CCDC144A: variants seen among roughly 807,000 people sequenced by gnomAD.
CCDC144A encodes coiled-coil domain-containing protein 144A.
In CCDC144A, 41 loss-of-function variants were observed where a neutral mutation model predicts 143.8. The ratio of observed to expected loss-of-function variants is 0.29; its 90% CI spans 0.22 to 0.37. The LOEUF (loss-of-function observed/expected upper bound fraction) is 0.37, where lower values mean the gene tolerates loss of function less well. Ranked by LOEUF, CCDC144A falls within the 10% of genes least tolerant of loss-of-function variation. CCDC144A has a pLI of 1.00. For missense variants in CCDC144A, 637 were observed against 1,488.8 expected, an observed-to-expected ratio of 0.43 and a Z score of 9.41; for synonymous variants, 242 against 517.9, an observed-to-expected ratio of 0.47 and a Z score of 7.23.
intron 12 of CCDC144A, among the ~76,000 whole-genome samples, chr17:16,753,309 G>A (rs1230983753): frequency 5.9e-5 from 9 of 151,476 alleles, no homozygotes; most frequent in Admixed American, 1.3e-4. Context: ...TAGAGCTTGC[G>A]TTCAGTCTGT....
intron 6 of CCDC144A, among the ~76,000 whole-genome samples, chr17:16,714,319 G>A (rs1912616882): frequency 6.6e-6 from 1 of 152,152 alleles, no homozygotes; most frequent in Non-Finnish European, 1.5e-5. Context: ...ACACCAACCT[G>A]CCTACTTGAC....
chr17:16,758,972 C>T lies in CCDC144A; in HGVS notation c.3373-2453C>T, dbSNP rs1294883433. 2.6e-5 allele frequency among the ~76,000 whole-genome samples: 4 copies of T among 152,210 alleles called. No homozygotes were observed. In the East Asian group the frequency reaches 7.7e-4, roughly 29 times the overall value. On this transcript the variant is annotated intron_variant, in intron 12 of 16. Transcript: ENST00000399273. ...ACTGTTCTGTGTAGTACGACAGTGCCTTAAGATGCGTATACCCTTAAGATC... is the reference window on the plus strand; with the variant it reads ...ACTGTTCTGTGTAGTACGACAGTGCTTTAAGATGCGTATACCCTTAAGATC...
intron 12 of CCDC144A, among the ~76,000 whole-genome samples, chr17:16,741,718 G>A (rs957976027): frequency 3.3e-5 from 5 of 152,082 alleles, no homozygotes; most frequent in Admixed American, 6.5e-5. Context: ...AAGTAGCTGA[G>A]ACCACAGGAA....
At chr17:16,680,774 C>A in the CCDC144A span, among the ~76,000 whole-genome samples, 1 of 151,640 alleles carries the variant, frequency 6.6e-6, no homozygotes, top group Non-Finnish European at 1.5e-5. Context: ...AACAACAGAA[C>A]CAAAACAAAA....
intron 8 of CCDC144A, among the ~76,000 whole-genome samples, chr17:16,725,662 G>A (rs1913376337): frequency 6.6e-6 from 1 of 150,698 alleles, no homozygotes; most frequent in South Asian, 2.1e-4. Context: ...AAAAGACTAC[G>A]GATTGGATCC....
At chr17:16,752,170 TCTTGTC>T (rs1389006081) in intron 12 of CCDC144A, among the ~76,000 whole-genome samples, 21 of 152,294 alleles carry the variant, frequency 1.4e-4, no homozygotes, top group Admixed American at 1.4e-3. Flanking sequence ...GAGCTTCGCC[TCTTGTC>T]ACATCAGTAG....
rs562580522 is a variant in CCDC144A, at chr17:16,706,858, G to A, written c.665-611G>A. ...CAGTAGAAAAATCAGTTCTAGGGCA[G>A]CCCTAAGGAAGGAGATACCTAGATA... On this transcript the variant is annotated intron_variant, in intron 3 of 16. Transcript: ENST00000399273. 11 of 152,292 alleles carry A rather than the reference G, an allele frequency of 7.2e-5. No homozygotes were observed. In the South Asian group the frequency reaches 2.3e-3, roughly 32 times the overall value. 9.4% of individuals were successfully genotyped at this position (152,292 alleles called of 1,614,324 possible).
In CCDC144A at chr17:16,690,763, A is replaced by C; in HGVS notation, c.344+19A>C. 6.3e-7 allele frequency: 1 copy of C among 1,583,386 alleles called. No homozygotes were observed. Among genetic ancestry groups the C allele is most frequent in the Non-Finnish European group, 8.6e-7 (1 of 1,160,736 alleles). On this transcript the variant is annotated intron_variant, in intron 1 of 16. Transcript: ENST00000399273. The stretch of plus-strand genomic sequence containing the variant: ...AGAAGAGGTAATGGCCAGGCGAAGG[A>C]TGCGCCGTCCTGTCGGGGACACTGG...
the CCDC144A span, among the ~76,000 whole-genome samples, chr17:16,671,971 A>T: frequency 7.1e-4 from 108 of 152,250 alleles, 1 homozygote; most frequent in Non-Finnish European, 1.3e-3. Flanking sequence ...TTTCAAGTAC[A>T]GTTTAAGTAA....
At chr17:16,724,941 G>A (rs1913320381) in intron 8 of CCDC144A, among the ~76,000 whole-genome samples, 1 of 143,928 alleles carries the variant, frequency 6.9e-6, no homozygotes, top group African/African-American at 2.5e-5. Flanking sequence ...ATGAGCCACC[G>A]CGCCCAGCCG....
upstream of CCDC144A, among the ~76,000 whole-genome samples, chr17:16,685,571 C>T (rs764614556): frequency 1.3e-4 from 20 of 150,736 alleles, no homozygotes; most frequent in African/African-American, 2.7e-4. Context: ...TTAGTAGAGA[C>T]GGAGTTTCAA....
rs1915984849 is a variant in CCDC144A at position 16,775,868 on chromosome 17, A to C, written c.*2235A>C. On this transcript the variant is annotated 3_prime_UTR_variant, in exon 17 of 17. Coordinates refer to ENST00000399273, the MANE Select transcript of CCDC144A (RefSeq NM_001382000.1). ...AGATTTAAGTCTTTAATCCATCTTGAGTTAACTTTTGTATATGGGTTAAGG... is the reference window on the plus strand; with the variant it reads ...AGATTTAAGTCTTTAATCCATCTTGCGTTAACTTTTGTATATGGGTTAAGG... The C allele has an allele frequency of 1.3e-5, 2 of 152,234 alleles. No individual in the cohort carries two copies. Among genetic ancestry groups the C allele is most frequent in the South Asian group, 4.1e-4 (2 of 4,830 alleles). The allele number at this position is 152,234 out of a possible 1,614,324, so 9.4% of individuals were successfully genotyped here. A position where few individuals can be genotyped will look rare whatever the true frequency, so the allele number is the denominator to read the frequency against.
chr17:16,689,833 G>T, upstream of CCDC144A: 1 of 152,518 alleles, frequency 6.6e-6, no homozygotes, highest in Admixed American at 6.5e-5. Context: ...CGGACCCTAG[G>T]GCAACTTTGC....
At chr17:16,729,992 A>ATG (rs71355520) in intron 9 of CCDC144A, among the ~76,000 whole-genome samples, 1 of 119,222 alleles carries the variant, frequency 8.4e-6, no homozygotes, top group Non-Finnish European at 1.8e-5. Flanking sequence ...ATATATATAT[A>ATG]CACACATACA....
chr17:16,717,926 C>T (rs950149288), intron 6 of CCDC144A, among the ~76,000 whole-genome samples: 6 of 152,028 alleles, frequency 3.9e-5, no homozygotes, highest in African/African-American at 7.3e-5. Context: ...TCTCTGATTA[C>T]GCCAGTGTTT....
chr17:16,743,226 A>G (rs1914339167), intron 12 of CCDC144A, among the ~76,000 whole-genome samples: 1 of 152,028 alleles, frequency 6.6e-6, no homozygotes, highest in South Asian at 2.1e-4. Context: ...TTTGGATCTC[A>G]TGTTTAAGTC....
At chr17:16,753,670 G>C (rs1222064558) in intron 12 of CCDC144A, among the ~76,000 whole-genome samples, 1 of 152,028 alleles carries the variant, frequency 6.6e-6, no homozygotes, top group Non-Finnish European at 1.5e-5. Flanking sequence ...GGCTCTTTTG[G>C]TGGCGTGTTT....
chr17:16,737,455 C>G, intron 12 of CCDC144A: 2 of 1,255,652 alleles, frequency 1.6e-6, no homozygotes, highest in Non-Finnish European at 2.1e-6. Flanking sequence ...CGTGAGCCAC[C>G]GCGCCCGGCC....
intron 6 of CCDC144A, among the ~76,000 whole-genome samples, chr17:16,713,531 G>T (rs1221081501): frequency 2.6e-5 from 4 of 152,128 alleles, no homozygotes; most frequent in Non-Finnish European, 5.9e-5. Flanking sequence ...TATATTTGAT[G>T]AGTATAAAAT....
Sources: gnomAD v4.1 joint callset for allele counts (sites outside exome capture counted in the v4.1 genomes callset) on GRCh38, gnomAD v4.1.1 for gene constraint, MANE v1.5 for transcripts, NCBI Gene and HGNC (gene_info 2026-07-23, HGNC 2026-07-21) for gene names.